The following ZMYND11 variants were observed in gnomAD, a reference collection of about 807,000 sequenced individuals.
ZMYND11 encodes the protein zinc finger MYND-type containing 11.
In ZMYND11, 9 loss-of-function variants were observed where a neutral mutation model predicts 84.9. The ratio of observed to expected loss-of-function variants is 0.11; its 90% CI spans 0.06 to 0.18. ZMYND11 has a LOEUF of 0.18. Ranked by LOEUF, ZMYND11 falls within the 10% of genes least tolerant of loss-of-function variation. ZMYND11 has a pLI of 1.00. For synonymous variants in ZMYND11, 250 were observed against 244.1 expected (o/e 1.02, Z -0.23); for missense variants, 409 against 761.0 (o/e 0.54, Z 5.44).
Position 221,438 on chromosome 10 carries a change from C to T in ZMYND11, c.438+82C>T. ...GCTTCAAAAAGATATCCCAGGTGGT[C>T]TTGCCAGGTGAACGGATAAAGGACT... On this transcript the variant is annotated intron_variant, in intron 4 of 14. Transcript: ENST00000381604. The T allele has an allele frequency of 2.1e-6, 3 of 1,448,306 alleles. 1 individual carries two copies. Among genetic ancestry groups the T allele is most frequent in the Middle Eastern group, 3.6e-4 (2 of 5,498 alleles). 89.7% of individuals were successfully genotyped at this position (1,448,306 alleles called of 1,614,324 possible).
At chr10:198,628 C>T (rs1942362170) in intron 2 of ZMYND11, among the ~76,000 whole-genome samples, 1 of 151,978 alleles carries the variant, frequency 6.6e-6, no homozygotes, top group African/African-American at 2.4e-5. Flanking sequence ...GGCATTTTTC[C>T]TAGAGTCACT....
intron 1 of ZMYND11, chr10:147,861 G>C (rs936912622): frequency 6.6e-6 from 1 of 152,014 alleles, no homozygotes; most frequent in African/African-American, 2.4e-5. Flanking sequence ...TGAATGTCTG[G>C]GCATTCTGGT....
chr10:247,309 T>A, intron 11 of ZMYND11, 89 bp from the exon 12 acceptor site: 1 of 1,409,156 alleles, frequency 7.1e-7, no homozygotes, highest in Non-Finnish European at 9.9e-7. Flanking sequence ...ATGTATTCAC[T>A]TCTCACCTGT....
intron 2 of ZMYND11, among the ~76,000 whole-genome samples, chr10:187,413 T>A (rs1259172900): frequency 6.6e-6 from 1 of 152,092 alleles, no homozygotes; most frequent in Non-Finnish European, 1.5e-5. Context: ...GGCGGGCGGA[T>A]CACAAGGTCA....
intron 14 of ZMYND11, among the ~76,000 whole-genome samples, chr10:251,618 G>T (rs1953513513): frequency 1.3e-5 from 2 of 152,164 alleles, no homozygotes; most frequent in Non-Finnish European, 2.9e-5. Context: ...GTGGGTGTCT[G>T]TTCATGGTAC....
At chr10:213,070 G>A (rs1394708428) in intron 3 of ZMYND11, among the ~76,000 whole-genome samples, 1 of 152,120 alleles carries the variant, frequency 6.6e-6, no homozygotes, top group Non-Finnish European at 1.5e-5. Flanking sequence ...CATGCATCTC[G>A]TACTGACCAG....
upstream of ZMYND11, among the ~76,000 whole-genome samples, chr10:132,382 G>A (rs1348854618): frequency 6.6e-6 from 1 of 151,484 alleles, no homozygotes; most frequent in Non-Finnish European, 1.5e-5. Flanking sequence ...GATCATGACT[G>A]CTCACTTCAG....
In ZMYND11 at chr10:248,600, C is replaced by G. The variant is rs750834510; in HGVS notation, c.1492C>G (p.Leu498Val). 1.0e-5 allele frequency: 16 copies of G among 1,605,604 alleles called. No homozygotes were observed. In the Admixed American group the frequency reaches 2.7e-4, roughly 27 times the overall value. ...GACAGAGCGTGTTGTCCGAGAAGCT[C>G]TGGAGAAGGTAATGCTTGTCGCCAC... is the stretch of plus-strand genomic sequence containing the variant. ...RETERVVREA[L>V]EKLRSEMEEE... Residue 498 changes from leucine (L) to valine (V), a missense_variant, in exon 13 of 15, where the codon CTG becomes GTG. Transcript: ENST00000381604.
At chr10:195,524 G>A (rs2130982922) in intron 2 of ZMYND11, among the ~76,000 whole-genome samples, 1 of 152,134 alleles carries the variant, frequency 6.6e-6, no homozygotes, top group South Asian at 2.1e-4. Flanking sequence ...ACATCAATAT[G>A]GGTTAATTTC....
intron 10 of ZMYND11, among the ~76,000 whole-genome samples, chr10:243,742 G>A (rs141878768): frequency 5.3e-5 from 8 of 152,284 alleles, no homozygotes; most frequent in African/African-American, 9.6e-5. Context: ...GTGTGTGCCT[G>A]TAGTCCCACC....
At chr10:145,168 ATATATGTGT>A (rs1554754917) in intron 1 of ZMYND11, among the ~76,000 whole-genome samples, 6 of 150,542 alleles carry the variant, frequency 4.0e-5, no homozygotes, top group Non-Finnish European at 5.9e-5. Context: ...GTGTGTGTAT[ATATATGTGT>A]ATATATGTGT....
intron 4 of ZMYND11, among the ~76,000 whole-genome samples, chr10:236,273 T>G (rs556911831): frequency 6.6e-6 from 1 of 152,218 alleles, no homozygotes; most frequent in Non-Finnish European, 1.5e-5. Flanking sequence ...TTAGACTTTT[T>G]TGGTGCAATA....
intron 1 of ZMYND11, among the ~76,000 whole-genome samples, chr10:177,306 G>T (rs967565639): frequency 3.9e-5 from 6 of 152,030 alleles, no homozygotes; most frequent in Non-Finnish European, 8.8e-5. Context: ...CTCTCACTTG[G>T]ATTTGTCTTT....
At chr10:176,831 A>G (rs1190511156) in intron 1 of ZMYND11, among the ~76,000 whole-genome samples, 5 of 152,134 alleles carry the variant, frequency 3.3e-5, no homozygotes, top group Non-Finnish European at 5.9e-5. Flanking sequence ...CATTCCAGGG[A>G]GAGAGAACTG....
At chr10:163,350 A>G (rs1482220943) in intron 1 of ZMYND11, among the ~76,000 whole-genome samples, 2 of 151,856 alleles carry the variant, frequency 1.3e-5, no homozygotes, top group African/African-American at 2.4e-5. Flanking sequence ...GCAAATGGCT[A>G]TTTTTCAGGG....
chr10:221,539 G>T (rs1360668555), intron 4 of ZMYND11, among the ~76,000 whole-genome samples, 183 bp downstream of exon 4: 1 of 152,196 alleles, frequency 6.6e-6, no homozygotes, highest in African/African-American at 2.4e-5. Context: ...GTATTTCAGG[G>T]TGTGGATTTT....
chr10:167,765 A>G (rs1209618176), intron 1 of ZMYND11, among the ~76,000 whole-genome samples: 3 of 152,044 alleles, frequency 2.0e-5, no homozygotes, highest in African/African-American at 7.2e-5. Flanking sequence ...TTAACCATTT[A>G]TTATTATAGA....
intron 2 of ZMYND11, among the ~76,000 whole-genome samples, chr10:203,284 C>A (rs1049743187): frequency 6.6e-6 from 1 of 151,794 alleles, no homozygotes; most frequent in African/African-American, 2.4e-5. Context: ...GAGAGGTAAG[C>A]AGACTGCCCA....
At chr10:151,727 A>G (rs1171798696) in intron 1 of ZMYND11, among the ~76,000 whole-genome samples, 1 of 151,972 alleles carries the variant, frequency 6.6e-6, no homozygotes, top group Non-Finnish European at 1.5e-5. Flanking sequence ...CCACAAAGAT[A>G]CTCCTGGAGA....
Sources: allele counts gnomAD v4.1 joint callset (sites outside exome capture counted in the v4.1 genomes callset), GRCh38; gene constraint gnomAD v4.1.1; transcripts MANE v1.5; gene names NCBI Gene and HGNC (gene_info 2026-07-23, HGNC 2026-07-21).